GNA15: variants seen among roughly 807,000 people sequenced by gnomAD.
GNA15 encodes the protein guanine nucleotide-binding protein subunit alpha-15.
GNA15 carries 23 observed loss-of-function variants against 40.1 expected under a neutral mutation model. The ratio of observed to expected loss-of-function variants is 0.57; its 90% CI spans 0.41 to 0.81. The LOEUF (loss-of-function observed/expected upper bound fraction) is 0.81. Among genes scored for constraint, GNA15 ranks in the 40% least tolerant of loss-of-function variants. GNA15 has a pLI of 0.00. For synonymous variants in GNA15, 226 were observed against 210.4 expected (o/e 1.07, Z -0.64); for missense variants, 522 against 515.8 (o/e 1.01, Z -0.12).
intron 1 of GNA15, 23 bp from the exon 2 acceptor site, chr19:3,148,568 C>A: frequency 6.5e-7 from 1 of 1,540,440 alleles, no homozygotes; most frequent in Non-Finnish European, 8.8e-7. Context: ...GAGGGCTGAG[C>A]GGTTCTGCTG....
At chr19:3,158,228 C>A (rs1409071204) in intron 6 of GNA15, among the ~76,000 whole-genome samples, 1 of 152,156 alleles carries the variant, frequency 6.6e-6, no homozygotes, top group East Asian at 1.9e-4. Flanking sequence ...CGGCTCACTG[C>A]AACCTTTCCC....
intron 2 of GNA15, 193 bp downstream of exon 2, chr19:3,148,968 C>T (rs1256015267): frequency 1.7e-5 from 10 of 586,868 alleles, no homozygotes; most frequent in Non-Finnish European, 3.0e-5. Context: ...CAAGTGCACA[C>T]ACAAGTATAC....
Position 3,140,051 on chromosome 19 carries a change from C to CTATCTATCTATCTATCTATCTATG in GNA15, c.145+3479_145+3480insGTATCTATCTATCTATCTATCTAT, listed in dbSNP as rs1568292382. 6.0e-3 allele frequency among the ~76,000 whole-genome samples: 886 copies of CTATCTATCTATCTATCTATCTATG among 148,736 alleles called. 8 individuals are homozygous for CTATCTATCTATCTATCTATCTATG. Among genetic ancestry groups the CTATCTATCTATCTATCTATCTATG allele is most frequent in the African/African-American group, 0.017 (686 of 40,100 alleles). On this transcript the variant is annotated intron_variant, in intron 1 of 6. Transcript: ENST00000262958. ...TCCATCTCAAAAAAAAAAAATCTAT[C>CTATCTATCTATCTATCTATCTATG]TATCTATCTATCTATCTATCTATCT...
rs751170883 is a variant in GNA15, at chr19:3,136,661, G to A, written c.145+66G>A. ...GCGGTGGCCAGCCGGCAGGGGTGTC[G>A]GGGCAAGGAGGCGGATCAGGCTAGG... On this transcript the variant is annotated intron_variant, in intron 1 of 6. Transcript: ENST00000262958. This position sits in a 1 kb window ranked among gnomAD's most constrained non-coding sequence, Gnocchi z 4.9. The A allele has an allele frequency of 3.8e-5, 54 of 1,424,224 alleles. No individual in the cohort carries two copies. The highest frequency in any genetic ancestry group is 2.0e-4 in the Admixed American group (10 of 49,718). The allele number at this position is 1,424,224 out of a possible 1,614,324, so 88.2% of individuals were successfully genotyped here.
At chr19:3,139,739 A>T (rs12975135) in intron 1 of GNA15, among the ~76,000 whole-genome samples, 3,684 of 152,182 alleles carry the variant, frequency 0.024, 69 homozygotes, top group Non-Finnish European at 0.038. Flanking sequence ...CTCTACTAAA[A>T]ATATAAAAAA....
Position 3,159,028 on chromosome 19 carries a change from T to G in GNA15, c.898+1147T>G, listed in dbSNP as rs906599074. 1.8e-3 allele frequency among the ~76,000 whole-genome samples: 279 copies of G among 152,196 alleles called. 1 individual carries two copies. The highest frequency in any genetic ancestry group is 6.4e-3 in the African/African-American group (267 of 41,536). On this transcript the variant is annotated intron_variant, in intron 6 of 6. Transcript: ENST00000262958. ...TTAATCCATTTTTTCTTTAATTTTT[T>G]TTTGTTTGTTTTTTGAGACGGAGTC...
In GNA15 at chr19:3,136,379, G is replaced by A; in HGVS notation, c.-72G>A. The A allele has an allele frequency of 6.8e-7, 1 of 1,476,098 alleles. No homozygotes were observed. The highest frequency in any genetic ancestry group is 9.1e-7 in the Non-Finnish European group (1 of 1,102,472). The allele number at this position is 1,476,098 out of a possible 1,614,324, so 91.4% of individuals were successfully genotyped here. ...CCCGGAGCCCTCTCCAGGGCCGGCT[G>A]GGCTGGGGGTTGCCCTGGCCAGCAG... On this transcript the variant is annotated 5_prime_UTR_variant, in exon 1 of 7. Transcript: ENST00000262958. This position sits in a 1 kb window ranked among gnomAD's most constrained non-coding sequence, Gnocchi z 4.9.
chr19:3,142,708 C>T (rs1000672573), intron 1 of GNA15, among the ~76,000 whole-genome samples: 2 of 151,956 alleles, frequency 1.3e-5, no homozygotes, highest in Non-Finnish European at 2.9e-5. Flanking sequence ...CTCGTCTCTA[C>T]TAAAAACACA....
intron 1 of GNA15, among the ~76,000 whole-genome samples, chr19:3,145,177 C>CTT (rs35738672): frequency 1.4e-5 from 2 of 138,962 alleles, no homozygotes; most frequent in Admixed American, 7.2e-5. Flanking sequence ...TTTTTGGAAA[C>CTT]TTTTTTTTTT....
chr19:3,145,351 ATATATATATT>A (rs1321446702), intron 1 of GNA15, among the ~76,000 whole-genome samples: 1 of 33,736 alleles, frequency 3.0e-5, no homozygotes, highest in East Asian at 4.3e-4. Flanking sequence ...ATATATATAT[ATATATATATT>A]TTTTTTTTTT....
At position 3,162,984 on chromosome 19, in the gene GNA15, C is replaced by T. The variant is rs779067884; in HGVS notation, c.1090C>T (p.Leu364Phe). ...KVFKDVRDSV[L>F]ARYLDEINLL Reference sequence around the variant, plus strand: ...CTTCAAGGACGTGCGGGACTCGGTGCTCGCCCGCTACCTGGACGAGATCAA... The same window carrying T: ...CTTCAAGGACGTGCGGGACTCGGTGTTCGCCCGCTACCTGGACGAGATCAA... The change falls in exon 7 of 7, where the codon CTC (leucine) becomes TTC (phenylalanine). Residue 364 changes from leucine (L) to phenylalanine (F), a missense_variant. Coordinates refer to ENST00000262958, the MANE Select transcript of GNA15 (RefSeq NM_002068.4). 2 of 1,613,592 alleles carry T rather than the reference C, an allele frequency of 1.2e-6. No homozygotes were observed. Among genetic ancestry groups the T allele is most frequent in the Non-Finnish European group, 1.7e-6 (2 of 1,179,728 alleles).
chr19:3,162,298 G>A (rs1213864497), intron 6 of GNA15, among the ~76,000 whole-genome samples: 2 of 151,828 alleles, frequency 1.3e-5, no homozygotes, highest in Non-Finnish European at 2.9e-5. Flanking sequence ...AAATTACCTG[G>A]GCATGGTGGC....
chr19:3,148,814 G>A (rs746986508), intron 2 of GNA15, 39 bp downstream of exon 2: 1 of 1,540,670 alleles, frequency 6.5e-7, no homozygotes, highest in Non-Finnish European at 8.8e-7. Context: ...GGGCAGGCAG[G>A]GGCCCAGGGC....
chr19:3,144,583 C>T (rs1417818691), intron 1 of GNA15, among the ~76,000 whole-genome samples: 2 of 152,106 alleles, frequency 1.3e-5, no homozygotes, highest in East Asian at 3.9e-4. Flanking sequence ...GGCTGGAGTG[C>T]AGTGGCATGA....
At chr19:3,139,905 G>T (rs148755112) in intron 1 of GNA15, among the ~76,000 whole-genome samples, 1 of 151,894 alleles carries the variant, frequency 6.6e-6, no homozygotes, top group Non-Finnish European at 1.5e-5. Context: ...GTGGTGGTGC[G>T]CACCTGTAGT....
intron 6 of GNA15, among the ~76,000 whole-genome samples, chr19:3,162,386 A>G (rs1915157927): frequency 9.0e-6 from 1 of 110,868 alleles, no homozygotes; most frequent in Admixed American, 8.5e-5. Flanking sequence ...GCCCCATCTC[A>G]AGAAAAAAAA....
chr19:3,156,419 GAA>G (rs1568298723), intron 5 of GNA15, among the ~76,000 whole-genome samples: 12 of 119,034 alleles, frequency 1.0e-4, no homozygotes, highest in Admixed American at 5.5e-4. Flanking sequence ...GCACACACAT[GAA>G]CACACACATG....
intron 1 of GNA15, among the ~76,000 whole-genome samples, chr19:3,144,756 C>T (rs536936652): frequency 1.3e-5 from 2 of 151,530 alleles, no homozygotes; most frequent in South Asian, 2.1e-4. Flanking sequence ...TCTCGATCTC[C>T]TGACCTCGTG....
At chr19:3,162,211 G>A (rs1357942527) in intron 6 of GNA15, among the ~76,000 whole-genome samples, 3 of 151,516 alleles carry the variant, frequency 2.0e-5, no homozygotes, top group Admixed American at 6.6e-5. Context: ...GGGTCAAGGC[G>A]GGCTGATCAT....
Sources: allele counts gnomAD v4.1 joint callset (sites outside exome capture counted in the v4.1 genomes callset), GRCh38; gene constraint gnomAD v4.1.1; non-coding constraint Gnocchi (gnomAD v3.1); transcripts MANE v1.5; gene names NCBI Gene and HGNC (gene_info 2026-07-23, HGNC 2026-07-21).